OBSL1: variants seen among roughly 807,000 people sequenced by gnomAD.
OBSL1 encodes obscurin-like protein 1.
Under a neutral mutation model 172.0 loss-of-function variants are expected in OBSL1, and 160 were observed. The observed-to-expected ratio is 0.93, with a 90% CI of 0.82 to 1.06. OBSL1 has a LOEUF of 1.06. Ranked by LOEUF, OBSL1 falls within the 50% of genes least tolerant of loss-of-function variation. OBSL1 has a pLI of 0.00. For missense variants in OBSL1, 2,681 were observed against 2,715.4 expected, an observed-to-expected ratio of 0.99 and a Z score of 0.28; for synonymous variants, 1,200 against 1,196.3, an observed-to-expected ratio of 1.00 and a Z score of -0.06.
chr2:219,558,054 GGGC>G lies in OBSL1; in HGVS notation c.3556_3558del (p.Ala1186del). On this transcript the variant is annotated inframe_deletion, in exon 11 of 21. Transcript: ENST00000404537. ...CAGCTCAGCACCACTGGCTCCCCAG[GGGC>G]CACACAGAGCGGGCTTGGAGTTGTC... is the stretch of plus-strand genomic sequence containing the variant. 2 of 1,613,666 alleles carry G rather than the reference GGGC, an allele frequency of 1.2e-6. No individual in the cohort carries two copies. The highest frequency in any genetic ancestry group is 2.2e-5 in the South Asian group (2 of 91,092).
chr2:219,570,411 C>A lies in OBSL1; in HGVS notation c.822G>T (p.Glu274Asp), dbSNP rs757776307. 1.2e-6 allele frequency: 2 copies of A among 1,613,270 alleles called. No individual in the cohort carries two copies. Among genetic ancestry groups the A allele is most frequent in the Non-Finnish European group, 1.7e-6 (2 of 1,179,610 alleles). Residue 274 changes from glutamate to aspartate, a missense_variant, in exon 1 of 21, where the codon GAG (glutamate) becomes GAT (aspartate). Physicochemically the swap from Glu to Asp is conservative, Grantham distance 45. Around this residue, in one of 5 missense-constraint regions of OBSL1, gnomAD observed 706 missense variants for 695.8 expected, o/e 1.01. Coordinates refer to ENST00000404537, the MANE Select transcript of OBSL1 (RefSeq NM_015311.3). ...KFRCYVMGKP[E>D]PEIEWHWEGR... ...CCTCCCAGTGCCATTCGATCTCGGG[C>A]TCGGGCTTGCCCATCACGTAGCAGC...
chr2:219,559,593 TGAG>T, intron 8 of OBSL1, 96 bp from the exon 9 acceptor site: 1 of 1,094,620 alleles, frequency 9.1e-7, no homozygotes, highest in Non-Finnish European at 1.3e-6. Flanking sequence ...CACATAATAA[TGAG>T]AATAATAAGT....
Position 219,557,994 on chromosome 2 carries a change from T to G in OBSL1, c.3619A>C (p.Ser1207Arg). 3.1e-6 allele frequency: 5 copies of G among 1,611,804 alleles called. No homozygotes were observed. In the South Asian group the frequency reaches 5.5e-5, roughly 18 times the overall value. ...LSRAGAPVVW[S>R]HNGRPVQEGE... Reference sequence around the variant, plus strand: ...TCCTGCACGGGCCTCCCATTGTGGCTCCAGACCACGGGGGCGCCAGCCCGG... The same window carrying G: ...TCCTGCACGGGCCTCCCATTGTGGCGCCAGACCACGGGGGCGCCAGCCCGG... Residue 1207 changes from serine (S) to arginine (R), a missense_variant, in exon 11 of 21, where the codon AGC becomes CGC. By Grantham distance (110) the Ser-to-Arg change is moderately radical (BLOSUM62 -1). Around this residue, in one of 5 missense-constraint regions of OBSL1, gnomAD observed 1,765 missense variants for 1,748.3 expected, o/e 1.01. Transcript: ENST00000404537.
In OBSL1 at chr2:219,571,134, G is replaced by A. The variant is rs747205623; in HGVS notation, c.99C>T (p.Cys33=). The change falls in exon 1 of 21, where the codon TGC becomes TGT. Residue 33 remains cysteine, a synonymous_variant. Coordinates refer to ENST00000404537, the MANE Select transcript of OBSL1 (RefSeq NM_015311.3). ...CAGGCGGCGGCTCCCCCAGGACCAC[G>A]CACTTGAGCTCGGCCTCGGCGCCAC... The part of the protein sequence containing the change: ...VVSGAEAELK[C]VVLGEPPPVV... 2 of 1,483,952 alleles carry A rather than the reference G, an allele frequency of 1.3e-6. No individual in the cohort carries two copies. Among genetic ancestry groups the A allele is most frequent in the African/African-American group, 2.9e-5 (2 of 69,180 alleles). 91.9% of individuals were successfully genotyped at this position (1,483,952 alleles called of 1,614,324 possible). A position where few individuals can be genotyped will look rare whatever the true frequency, so the allele number is the denominator to read the frequency against.
chr2:219,563,600 C>T lies in OBSL1; in HGVS notation c.2435G>A (p.Arg812Gln), dbSNP rs766616389. 39 of 1,613,310 alleles carry T rather than the reference C, an allele frequency of 2.4e-5. No individual in the cohort carries two copies. The highest frequency in any genetic ancestry group is 1.8e-4 in the South Asian group (16 of 91,054). The stretch of plus-strand genomic sequence containing the variant: ...TATGGCATGCACGAACACATGTTCT[C>T]GGGGGTCCACGATGTGCACGGGAGG... ...QDPPVHIVDPREHVFVHAITS... is the reference protein window; with the variant it reads ...QDPPVHIVDPQEHVFVHAITS... The change falls in exon 7 of 21, where the codon CGA (arginine) becomes CAA (glutamine). Residue 812 changes from arginine (R) to glutamine (Q), a missense_variant. Transcript: ENST00000404537.
At chr2:219,548,624 G>A (rs1050030570), downstream of OBSL1, among the ~76,000 whole-genome samples, 15 of 152,348 alleles carry the variant, frequency 9.8e-5, no homozygotes, top group African/African-American at 3.6e-4. Flanking sequence ...AGTGGGGCAG[G>A]AGTATGGGAG....
At chr2:219,563,208 C>T (rs1331327129) in intron 7 of OBSL1, 147 bp downstream of exon 7, 3 of 772,030 alleles carry the variant, frequency 3.9e-6, no homozygotes, top group Non-Finnish European at 6.1e-6. Context: ...TAGACCATAG[C>T]TTGAGGAGAA....
Position 219,568,404 on chromosome 2 carries a change from G to T in OBSL1, c.1013-80C>A. ...GAGTAGGATACCTAGAAGCGCATTA[G>T]CTCATGCTGTGTGCTCTTCATGCAG... is the stretch of plus-strand genomic sequence containing the variant. On this transcript the variant is annotated intron_variant, in intron 1 of 20. Transcript: ENST00000404537. This position sits in a 1 kb window ranked among gnomAD's most constrained non-coding sequence, Gnocchi z 4.1. 7.5e-7 allele frequency: 1 copy of T among 1,337,244 alleles called. No homozygotes were observed. Among genetic ancestry groups the T allele is most frequent in the Non-Finnish European group, 1.0e-6 (1 of 990,260 alleles). 82.8% of individuals were successfully genotyped at this position (1,337,244 alleles called of 1,614,324 possible).
rs767431762 is a variant in OBSL1 at position 219,556,626 on chromosome 2, G to T, written c.4164C>A (p.Ala1388=). The T allele has an allele frequency of 2.0e-5, 32 of 1,613,796 alleles. No homozygotes were observed. The highest frequency in any genetic ancestry group is 2.7e-5 in the Non-Finnish European group (32 of 1,179,874). ...CCCCATTGCGCAGCCAGGTGACATCGGCATCTGGTGGGGAGACTTCACACC... is the reference window on the plus strand; with the variant it reads ...CCCCATTGCGCAGCCAGGTGACATCTGCATCTGGTGGGGAGACTTCACACC... ...TFRCEVSPPD[A]DVTWLRNGAV... is the part of the protein sequence containing the mutation. Residue 1388 remains alanine (A), a synonymous_variant, in exon 13 of 21, where the codon GCC becomes GCA. Coordinates refer to ENST00000404537, the MANE Select transcript of OBSL1 (RefSeq NM_015311.3).
At position 219,557,904 on chromosome 2, in the gene OBSL1, GGCCTGCAGCCTGGAT is replaced by G. The variant is rs752892117; in HGVS notation, c.3694_3708del (p.Ile1232_Gly1236del). 12 of 1,603,276 alleles carry G rather than the reference GGCCTGCAGCCTGGAT, an allele frequency of 7.5e-6. No individual in the cohort carries two copies. The East Asian group carries it at 2.5e-4, about 33-fold the overall frequency. On this transcript the variant is annotated inframe_deletion, in exon 11 of 21. Coordinates refer to ENST00000404537, the MANE Select transcript of OBSL1 (RefSeq NM_015311.3). ...CAGGTGTAGAGCCCTGCATGGGCTG[GGCCTGCAGCCTGGAT>G]GCAGAGGACTCGGCGGGGGCCCTCG...
At chr2:219,569,510 T>C (rs1026894466) in intron 1 of OBSL1, 3 of 152,366 alleles carry the variant, frequency 2.0e-5, no homozygotes, top group East Asian at 3.8e-4. Context: ...TAACCATTTA[T>C]TGGATATTGT....
At chr2:219,550,583 C>T, downstream of OBSL1, 1 of 552,172 alleles carries the variant, frequency 1.8e-6, no homozygotes, top group South Asian at 2.4e-5. Context: ...AACTGTGTGG[C>T]CTCTGCCAGG....
In OBSL1 at chr2:219,571,535, C is replaced by G; in HGVS notation, c.-303G>C. The G allele has an allele frequency of 4.4e-6, 1 of 229,186 alleles. No homozygotes were observed. Among genetic ancestry groups the G allele is most frequent in the Non-Finnish European group, 8.5e-6 (1 of 118,180 alleles). The allele number at this position is 229,186 out of a possible 1,614,324, so 14.2% of individuals were successfully genotyped here. On this transcript the variant is annotated 5_prime_UTR_variant, in exon 1 of 21. Coordinates refer to ENST00000404537, the MANE Select transcript of OBSL1 (RefSeq NM_015311.3). ...CCCCTGCCCGCTGCCTGGCTTCCTG[C>G]TCTTAGGAGCCTCTCTTCCCAGCCC...
rs1696570677 is a variant in OBSL1, at chr2:219,562,677, G to C, written c.2681-3C>G. 4 of 1,540,064 alleles carry C rather than the reference G, an allele frequency of 2.6e-6. No individual in the cohort carries two copies. The highest frequency in any genetic ancestry group is 3.5e-6 in the Non-Finnish European group (4 of 1,142,136). ...ATACACGATCCACGAGGAGACGTCT[G>C]GAGGACAGGGACAGCCACTGCCGGG... On this transcript the variant is annotated splice_polypyrimidine_tract_variant and splice_region_variant and intron_variant, in intron 7 of 20. Coordinates refer to ENST00000404537, the MANE Select transcript of OBSL1 (RefSeq NM_015311.3).
chr2:219,571,203 G>T lies in OBSL1; in HGVS notation c.30C>A (p.Ser10Arg). The T allele has an allele frequency of 6.9e-7, 1 of 1,442,852 alleles. No individual in the cohort carries two copies. Among genetic ancestry groups the T allele is most frequent in the Non-Finnish European group, 9.1e-7 (1 of 1,096,454 alleles). 89.4% of individuals were successfully genotyped at this position (1,442,852 alleles called of 1,614,324 possible). ...GCGGGAAGCGCAGGAAGCACGGGGG[G>T]CTCCCCTGATCCCCCGAGCTCGCCT... The part of the protein sequence containing the change: MKASSGDQG[S>R]PPCFLRFPRP... The change falls in exon 1 of 21, where the codon AGC becomes AGA. Residue 10 changes from serine to arginine, a missense_variant. Physicochemically the swap from Ser to Arg is moderately radical, Grantham distance 110 (BLOSUM62 -1). This residue lies in a region of OBSL1 where 90 missense variants were observed against 76.6 expected (regional missense o/e 1.18). Coordinates refer to ENST00000404537, the MANE Select transcript of OBSL1 (RefSeq NM_015311.3).
chr2:219,556,908 C>G (rs1474418605), intron 12 of OBSL1, 185 bp from the exon 13 acceptor site: 1 of 650,098 alleles, frequency 1.5e-6, no homozygotes, highest in Non-Finnish European at 2.6e-6. Context: ...TCCTTTTAGT[C>G]AGTTCCTCAT....
chr2:219,570,650 G>T lies in OBSL1; in HGVS notation c.583C>A (p.Arg195Ser). The stretch of plus-strand genomic sequence containing the variant: ...TCCGGCAGCCGAGCCGCCAGGATGC[G>T]CAGTGCCAGGCTCGCGCCGGGGCCG... ...EDGPGASLAL[R>S]ILAARLPDSG... is the part of the protein sequence containing the mutation. The change falls in exon 1 of 21, where the codon CGC becomes AGC. Residue 195 changes from arginine to serine, a missense_variant. This residue lies in a region of OBSL1 where 706 missense variants were observed against 695.8 expected (regional missense o/e 1.01). Transcript: ENST00000404537. 1 of 1,509,692 alleles carries T rather than the reference G, an allele frequency of 6.6e-7. No homozygotes were observed. Among genetic ancestry groups the T allele is most frequent in the Non-Finnish European group, 8.8e-7 (1 of 1,134,720 alleles). 93.5% of individuals were successfully genotyped at this position (1,509,692 alleles called of 1,614,324 possible).
Position 219,570,483 on chromosome 2 carries a change from G to A in OBSL1, c.750C>T (p.Cys250=), listed in dbSNP as rs368349283. Residue 250 remains cysteine, a synonymous_variant, in exon 1 of 21, where the codon TGC becomes TGT. Transcript: ENST00000404537. Reference sequence around the variant, plus strand: ...CGTTCACCCAGAAGGTCTTAGGCGCGCACTTGAGCGGCTCCACCACCGGCG... The same window carrying A: ...CGTTCACCCAGAAGGTCTTAGGCGCACACTTGAGCGGCTCCACCACCGGCG... ...APAPVVEPLK[C]APKTFWVNEG... is the part of the protein sequence containing the mutation. The A allele has an allele frequency of 8.3e-5, 134 of 1,612,494 alleles. No individual in the cohort carries two copies. Among genetic ancestry groups the A allele is most frequent in the Non-Finnish European group, 1.1e-4 (129 of 1,179,478 alleles).
intron 20 of OBSL1, chr2:219,551,100 G>C: frequency 1.4e-6 from 2 of 1,412,696 alleles, no homozygotes; most frequent in Non-Finnish European, 1.8e-6. Flanking sequence ...AGGAAAGAAA[G>C]AGGCTTCTGC....
Sources: allele counts gnomAD v4.1 joint callset (sites outside exome capture counted in the v4.1 genomes callset), GRCh38; gene constraint gnomAD v4.1.1; regional missense constraint gnomAD v4.1.1; non-coding constraint Gnocchi (gnomAD v3.1); transcripts MANE v1.5; gene names NCBI Gene and HGNC (gene_info 2026-07-23, HGNC 2026-07-21).